The following CACNA2D1 variants were observed in gnomAD, a reference collection of about 807,000 sequenced individuals.
CACNA2D1 encodes the protein calcium voltage-gated channel auxiliary subunit alpha2delta 1, also known as voltage-dependent calcium channel subunit alpha-2/delta-1.
CACNA2D1 carries 53 observed loss-of-function variants against 171.5 expected under a neutral mutation model. The observed-to-expected ratio is 0.31, with a 90% CI of 0.25 to 0.39. The LOEUF (loss-of-function observed/expected upper bound fraction) is 0.39. Among genes scored for constraint, CACNA2D1 ranks in the 10% least tolerant of loss-of-function variants. The pLI is 1.00. For missense variants in CACNA2D1, 903 were observed against 1,299.8 expected (o/e 0.69, Z 4.69); for synonymous variants, 442 against 443.1 (o/e 1.00, Z 0.03).
intron 15 of CACNA2D1, 183 bp downstream of exon 15, chr7:82,011,971 C>G (rs1799833692): frequency 1.7e-6 from 1 of 582,676 alleles, no homozygotes; most frequent in Non-Finnish European, 3.0e-6. Context: ...TTGTAGTTTT[C>G]TACTACATAC....
At chr7:82,197,491 A>T (rs940929468) in intron 3 of CACNA2D1, among the ~76,000 whole-genome samples, 1 of 152,128 alleles carries the variant, frequency 6.6e-6, no homozygotes, top group African/African-American at 2.4e-5. Context: ...ATTGACAGGC[A>T]TATAATTTTC....
intron 3 of CACNA2D1, among the ~76,000 whole-genome samples, chr7:82,178,661 C>G (rs973866989): frequency 6.6e-6 from 1 of 152,042 alleles, no homozygotes; most frequent in Admixed American, 6.6e-5. Flanking sequence ...TATTTTGGAG[C>G]TATTAGACAT....
chr7:82,212,981 A>G (rs1022967049), intron 3 of CACNA2D1, among the ~76,000 whole-genome samples: 4 of 151,690 alleles, frequency 2.6e-5, no homozygotes, highest in South Asian at 2.1e-4. Context: ...GCTCACTGCA[A>G]TCTCTGCCTC....
Position 82,005,758 on chromosome 7 carries a change from A to G in CACNA2D1, c.1515+7T>C, listed in dbSNP as rs750788302. Reference sequence around the variant, plus strand: ...AAAGGGTATCAAAAGAGCAAATTTCATCTTACTGTAAAACGTGGTGTCAGT... The same window carrying G: ...AAAGGGTATCAAAAGAGCAAATTTCGTCTTACTGTAAAACGTGGTGTCAGT... On this transcript the variant is annotated splice_region_variant and intron_variant, in intron 17 of 38. Transcript: ENST00000356860. 4 of 1,567,510 alleles carry G rather than the reference A, an allele frequency of 2.6e-6. No homozygotes were observed. The Admixed American group carries it at 6.7e-5, about 26-fold the overall frequency.
chr7:82,368,772 A>G (rs1334726957), intron 1 of CACNA2D1, among the ~76,000 whole-genome samples: 1 of 152,162 alleles, frequency 6.6e-6, no homozygotes, highest in African/African-American at 2.4e-5. Flanking sequence ...AGTTATTTAC[A>G]TTTCAACTAT....
intron 4 of CACNA2D1, among the ~76,000 whole-genome samples, chr7:82,157,655 T>A (rs1243702260): frequency 6.6e-6 from 1 of 151,992 alleles, no homozygotes; most frequent in Non-Finnish European, 1.5e-5. Flanking sequence ...CAGGCTTACG[T>A]TATCTTGAAT....
intron 10 of CACNA2D1, among the ~76,000 whole-genome samples, chr7:82,054,346 C>T (rs1805552641): frequency 1.3e-5 from 2 of 152,206 alleles, no homozygotes; most frequent in South Asian, 4.1e-4. Context: ...TGCTGTTGCA[C>T]ATGGTGGTCT....
At chr7:82,387,867 G>A (rs1001262448) in intron 1 of CACNA2D1, among the ~76,000 whole-genome samples, 34 of 151,980 alleles carry the variant, frequency 2.2e-4, no homozygotes, top group African/African-American at 7.7e-4. Flanking sequence ...CATTTCTTGA[G>A]CTTAGGAGTT....
intron 15 of CACNA2D1, chr7:82,009,346 T>G (rs1194562983): frequency 4.6e-5 from 7 of 152,124 alleles, no homozygotes; most frequent in African/African-American, 1.7e-4. Flanking sequence ...ACTCATACAG[T>G]GATAGACACA....
At chr7:82,149,393 G>A (rs557837717) in intron 4 of CACNA2D1, among the ~76,000 whole-genome samples, 2 of 152,264 alleles carry the variant, frequency 1.3e-5, no homozygotes, top group East Asian at 3.9e-4. Flanking sequence ...TAGGAGAGTA[G>A]AGAAGTGAGA....
chr7:82,098,605 AC>A (rs1268694251), intron 6 of CACNA2D1, among the ~76,000 whole-genome samples: 1 of 152,142 alleles, frequency 6.6e-6, no homozygotes, highest in Admixed American at 6.5e-5. Context: ...CTTTACACTT[AC>A]AGCAAGCCTC....
At chr7:82,149,066 G>C (rs533146963) in intron 4 of CACNA2D1, among the ~76,000 whole-genome samples, 2 of 152,212 alleles carry the variant, frequency 1.3e-5, no homozygotes, top group Admixed American at 1.3e-4. Context: ...GTCAAGGATC[G>C]GCTGCATTCC....
chr7:82,005,203 T>C (rs961403862), intron 18 of CACNA2D1: 1 of 514,302 alleles, frequency 1.9e-6, no homozygotes, highest in Non-Finnish European at 3.5e-6. Context: ...GTCTTTGAGA[T>C]AAAAATGTTG....
intron 3 of CACNA2D1, among the ~76,000 whole-genome samples, chr7:82,212,200 A>G (rs752079870): frequency 3.3e-5 from 5 of 152,220 alleles, no homozygotes; most frequent in East Asian, 3.8e-4. Flanking sequence ...AATGATGGAT[A>G]TAAGAATAAT....
intron 4 of CACNA2D1, among the ~76,000 whole-genome samples, chr7:82,141,371 AT>A (rs942543772): frequency 4.9e-4 from 70 of 142,580 alleles, no homozygotes; most frequent in African/African-American, 7.3e-4. Context: ...AGGGGAGGAA[AT>A]TTAAAAAAAA....
rs200505801 is a variant in CACNA2D1 at position 82,049,039 on chromosome 7, G to GA, written c.880-10805dup. 2.8e-3 allele frequency among the ~76,000 whole-genome samples: 408 copies of GA among 147,436 alleles called. 3 individuals are homozygous for GA. The highest frequency in any genetic ancestry group is 0.019 in the East Asian group (95 of 5,038). Reference sequence around the variant, plus strand: ...ACTTAGTGTACCATGTAATTAATGGGAAAAAAATACTTATTGTACTTGTCA... The same window carrying GA: ...ACTTAGTGTACCATGTAATTAATGGGAAAAAAAATACTTATTGTACTTGTCA... On this transcript the variant is annotated intron_variant, in intron 10 of 38. Transcript: ENST00000356860.
chr7:82,372,906 C>T (rs1822566562), intron 1 of CACNA2D1, among the ~76,000 whole-genome samples: 1 of 152,086 alleles, frequency 6.6e-6, no homozygotes, highest in African/African-American at 2.4e-5. Context: ...AATATCAGGC[C>T]AGGTGTGGTG....
At chr7:82,027,102 C>CA (rs1235297105) in intron 12 of CACNA2D1, among the ~76,000 whole-genome samples, 9 of 150,702 alleles carry the variant, frequency 6.0e-5, no homozygotes, top group Non-Finnish European at 1.0e-4. Flanking sequence ...TTAATGGGTA[C>CA]AAAAAAATAG....
At chr7:82,421,825 T>C (rs1828741484) in intron 1 of CACNA2D1, among the ~76,000 whole-genome samples, 1 of 152,218 alleles carries the variant, frequency 6.6e-6, no homozygotes, top group African/African-American at 2.4e-5. Context: ...CAGAATCTTA[T>C]TTCAGGACTA....
Sources: allele counts gnomAD v4.1 joint callset (sites outside exome capture counted in the v4.1 genomes callset), GRCh38; gene constraint gnomAD v4.1.1; transcripts MANE v1.5; gene names NCBI Gene and HGNC (gene_info 2026-07-23, HGNC 2026-07-21).